The following ZC3H14 variants were observed in gnomAD, a reference collection of about 807,000 sequenced individuals.
ZC3H14 encodes zinc finger CCCH domain-containing protein 14.
In ZC3H14, 31 loss-of-function variants were observed where a neutral mutation model predicts 92.4. The observed-to-expected ratio is 0.34, with a 90% CI of 0.25 to 0.45. The LOEUF is 0.45. ZC3H14 is among the 20% of genes least tolerant of loss of function. The pLI is 1.00. For missense variants in ZC3H14, 781 were observed against 897.3 expected, an observed-to-expected ratio of 0.87 and a Z score of 1.66; for synonymous variants, 321 against 300.9, an observed-to-expected ratio of 1.07 and a Z score of -0.69.
chr14:88,625,068 T>C lies in ZC3H14; in HGVS notation c.*13317T>C. ...GAGCTCTCGCCACGATTCTACACAATATGTGATCTTTCCACACACAGACAT... is the reference window on the plus strand; with the variant it reads ...GAGCTCTCGCCACGATTCTACACAACATGTGATCTTTCCACACACAGACAT... On this transcript the variant is annotated 3_prime_UTR_variant, in exon 17 of 17. Transcript: ENST00000251038. The C allele has an allele frequency of 6.2e-7, 1 of 1,613,858 alleles. No homozygotes were observed. Among genetic ancestry groups the C allele is most frequent in the Non-Finnish European group, 8.5e-7 (1 of 1,179,832 alleles).
rs1384714646 is a variant in ZC3H14 at position 88,602,802 on chromosome 14, T to C, written c.1515-26T>C. 6 of 1,611,362 alleles carry C rather than the reference T, an allele frequency of 3.7e-6. No individual in the cohort carries two copies. In the East Asian group the frequency reaches 1.1e-4, roughly 30 times the overall value. On this transcript the variant is annotated intron_variant, in intron 11 of 16. Coordinates refer to ENST00000251038, the MANE Select transcript of ZC3H14 (RefSeq NM_024824.5). Reference sequence around the variant, plus strand: ...CGTTTTGTGTTTGTTTCCCTAATTCTATGGTATTTTTTATCTGTCTGGCAG... The same window carrying C: ...CGTTTTGTGTTTGTTTCCCTAATTCCATGGTATTTTTTATCTGTCTGGCAG...
At chr14:88,566,834 C>T (rs374420432) in intron 2 of ZC3H14, among the ~76,000 whole-genome samples, 4 of 151,370 alleles carry the variant, frequency 2.6e-5, no homozygotes, top group Admixed American at 6.6e-5. Flanking sequence ...GCAGGAGAAT[C>T]GCTTGAACCC....
intron 9 of ZC3H14, among the ~76,000 whole-genome samples, chr14:88,581,579 A>T (rs757787875): frequency 2.6e-5 from 4 of 152,092 alleles, no homozygotes; most frequent in Admixed American, 6.6e-5. Flanking sequence ...ATAAAAATAA[A>T]AAAACAAAGA....
rs547986965 is a variant in ZC3H14 at position 88,567,214 on chromosome 14, C to T, written c.80-825C>T. Reference sequence around the variant, plus strand: ...CACTGCAAGCTCCGCCTCCTGGGTTCACACCATTCTCCTGCCTCGGCCTCC... The same window carrying T: ...CACTGCAAGCTCCGCCTCCTGGGTTTACACCATTCTCCTGCCTCGGCCTCC... On this transcript the variant is annotated intron_variant, in intron 2 of 16. Coordinates refer to ENST00000251038, the MANE Select transcript of ZC3H14 (RefSeq NM_024824.5). Among the ~76,000 whole-genome samples, 4 of 151,264 alleles carry T rather than the reference C, an allele frequency of 2.6e-5. No individual in the cohort carries two copies. The South Asian group carries it at 8.3e-4, about 31-fold the overall frequency.
intron 10 of ZC3H14, 49 bp from the exon 11 acceptor site, chr14:88,601,875 G>A (rs185142932): frequency 1.7e-5 from 27 of 1,598,394 alleles, no homozygotes; most frequent in Non-Finnish European, 2.1e-5. Flanking sequence ...TGTTGGGAAT[G>A]TAAGGTATAT....
At chr14:88,573,231 T>G (rs2080693666) in intron 6 of ZC3H14, among the ~76,000 whole-genome samples, 1 of 151,484 alleles carries the variant, frequency 6.6e-6, no homozygotes, top group African/African-American at 2.4e-5. Flanking sequence ...ATACAAAAAA[T>G]TAGCCAGGCA....
intron 9 of ZC3H14, among the ~76,000 whole-genome samples, chr14:88,593,155 A>C (rs781571356): frequency 2.6e-5 from 4 of 151,898 alleles, no homozygotes; most frequent in Non-Finnish European, 4.4e-5. Flanking sequence ...TTTAGCAGAG[A>C]CGGGATTTCG....
rs1270199685 is a variant in ZC3H14 at position 88,614,315 on chromosome 14, C to G, written c.*2564C>G. On this transcript the variant is annotated 3_prime_UTR_variant, in exon 17 of 17. Transcript: ENST00000251038. ...AGGAGAATCCACTGATGAACAAGTA[C>G]CAACTTACGTTTCAAGCTTCTTAGC... 2.6e-5 allele frequency: 4 copies of G among 152,160 alleles called. No homozygotes were observed. The highest frequency in any genetic ancestry group is 5.9e-5 in the Non-Finnish European group (4 of 68,024). The allele number at this position is 152,160 out of a possible 1,614,324, so 9.4% of individuals were successfully genotyped here. A position where few individuals can be genotyped will look rare whatever the true frequency, so the allele number is the denominator to read the frequency against.
At chr14:88,601,585 G>T (rs1453907781) in intron 10 of ZC3H14, among the ~76,000 whole-genome samples, 2 of 152,138 alleles carry the variant, frequency 1.3e-5, no homozygotes, top group African/African-American at 2.4e-5. Context: ...GGAGCATTAG[G>T]ACTCAAATTC....
intron 9 of ZC3H14, chr14:88,590,306 C>T (rs149058563): frequency 6.6e-6 from 1 of 152,458 alleles, no homozygotes; most frequent in East Asian, 1.9e-4. Context: ...TACTTTGCAG[C>T]TTAGAACCCC....
intron 3 of ZC3H14, among the ~76,000 whole-genome samples, chr14:88,569,422 G>A (rs2080114989): frequency 6.6e-6 from 1 of 152,066 alleles, no homozygotes; most frequent in Non-Finnish European, 1.5e-5. Context: ...TTTTAAAATA[G>A]GCAACTTTGC....
chr14:88,620,661 G>A lies in ZC3H14; in HGVS notation c.*8910G>A, dbSNP rs1159952756. ...ATACGGGAAATGCTACAGGCCCTGG[G>A]GACCTCTTTTTGAAGGCAAGGCTAT... On this transcript the variant is annotated 3_prime_UTR_variant, in exon 17 of 17. Transcript: ENST00000251038. The surrounding 1 kb of genome is among the most constrained non-coding windows in gnomAD (Gnocchi z 4.3). 2.9e-6 allele frequency: 3 copies of A among 1,048,372 alleles called. No individual in the cohort carries two copies. Among genetic ancestry groups the A allele is most frequent in the South Asian group, 2.3e-5 (1 of 42,760 alleles). 64.9% of individuals were successfully genotyped at this position (1,048,372 alleles called of 1,614,324 possible).
chr14:88,588,045 C>CT (rs1491250781), intron 9 of ZC3H14, among the ~76,000 whole-genome samples: 2 of 152,064 alleles, frequency 1.3e-5, no homozygotes, highest in Non-Finnish European at 2.9e-5. Context: ...ATTTTTCCCC[C>CT]TTTTTTGTTT....
At chr14:88,607,616 CCCATCTCACCCTGCAAGTGAGTA>C (rs1194133581) in intron 13 of ZC3H14, among the ~76,000 whole-genome samples, 1 of 136,646 alleles carries the variant, frequency 7.3e-6, no homozygotes, top group African/African-American at 2.9e-5. Context: ...TAACTACCAT[CCCATCTCACCCTGCAAGTGAGTA>C]CCATCCCTGC....
At chr14:88,605,905 A>G (rs2085327234) in intron 12 of ZC3H14, among the ~76,000 whole-genome samples, 1 of 152,162 alleles carries the variant, frequency 6.6e-6, no homozygotes, top group African/African-American at 2.4e-5. Flanking sequence ...TTCTCTTTGT[A>G]TAGATGAGGA....
rs574134168 is a variant in ZC3H14, at chr14:88,615,832, G to A, written c.*4081G>A. The A allele has an allele frequency of 4.9e-5, 79 of 1,611,938 alleles. No individual in the cohort carries two copies. The South Asian group carries it at 7.2e-4, about 15-fold the overall frequency. Reference sequence around the variant, plus strand: ...CTCAGCATCTCTCAGTGAGGTGTATGTACACATTTCCAGACAAATAAGCTG... The same window carrying A: ...CTCAGCATCTCTCAGTGAGGTGTATATACACATTTCCAGACAAATAAGCTG... On this transcript the variant is annotated 3_prime_UTR_variant, in exon 17 of 17. Coordinates refer to ENST00000251038, the MANE Select transcript of ZC3H14 (RefSeq NM_024824.5).
chr14:88,563,191 G>C (rs1402123230), intron 1 of ZC3H14, 22 bp downstream of exon 1: 1 of 1,602,228 alleles, frequency 6.2e-7, no homozygotes, highest in Admixed American at 1.7e-5. Context: ...GCCGGTCGGG[G>C]GTGGGAAGCC....
At position 88,611,782 on chromosome 14, in the gene ZC3H14, A is replaced by T. The variant is rs1259224694; in HGVS notation, c.*31A>T. On this transcript the variant is annotated 3_prime_UTR_variant, in exon 17 of 17. Transcript: ENST00000251038. ...AGTCCTGCCTGGCAGAAGATCATGC[A>T]GTTTGGAAGTTTTCATGTACTGATG... 1 of 1,613,802 alleles carries T rather than the reference A, an allele frequency of 6.2e-7. No homozygotes were observed. Among genetic ancestry groups the T allele is most frequent in the African/African-American group, 1.3e-5 (1 of 74,926 alleles).
At position 88,614,979 on chromosome 14, in the gene ZC3H14, C is replaced by T. The variant is rs1356932180; in HGVS notation, c.*3228C>T. On this transcript the variant is annotated 3_prime_UTR_variant, in exon 17 of 17. Coordinates refer to ENST00000251038, the MANE Select transcript of ZC3H14 (RefSeq NM_024824.5). ...AAACAAATGTGTATATATTAGACTA[C>T]ATTAAATATGCAATTCTTTCTTCCA... The T allele has an allele frequency of 6.6e-6, 1 of 152,188 alleles. No individual in the cohort carries two copies. Among genetic ancestry groups the T allele is most frequent in the Non-Finnish European group, 1.5e-5 (1 of 68,028 alleles). The allele number at this position is 152,188 out of a possible 1,614,324, so 9.4% of individuals were successfully genotyped here. A position where few individuals can be genotyped will look rare whatever the true frequency, so the allele number is the denominator to read the frequency against.
Sources: allele counts gnomAD v4.1 joint callset (sites outside exome capture counted in the v4.1 genomes callset), GRCh38; gene constraint gnomAD v4.1.1; non-coding constraint Gnocchi (gnomAD v3.1); transcripts MANE v1.5; gene names NCBI Gene and HGNC (gene_info 2026-07-23, HGNC 2026-07-21).